The following XKR9 variants were observed in gnomAD, a reference collection of about 807,000 sequenced individuals.
The protein encoded by XKR9 is XK-related protein 9.
In XKR9, 32 loss-of-function variants were observed where a neutral mutation model predicts 32.0. That is an observed-to-expected ratio of 1.00 (90% CI 0.76 to 1.34). XKR9 has a LOEUF of 1.34. XKR9 is among the 40% of genes most tolerant of loss of function. The probability of loss-of-function intolerance (pLI) is 0.00; values close to 1 mark genes in which losing one functional copy is unlikely to be tolerated. For synonymous variants in XKR9, 168 were observed against 143.4 expected (o/e 1.17, Z -1.22); for missense variants, 546 against 429.7 (o/e 1.27, Z -2.39).
intron 3 of XKR9, among the ~76,000 whole-genome samples, chr8:70,687,965 G>A (rs1020335998): frequency 6.6e-6 from 1 of 152,190 alleles, no homozygotes; most frequent in Non-Finnish European, 1.5e-5. Flanking sequence ...GTAGTTGATA[G>A]TGCCATTCAG....
At chr8:70,919,238 T>C in the XKR9 span, among the ~76,000 whole-genome samples, 1 of 152,298 alleles carries the variant, frequency 6.6e-6, no homozygotes, top group East Asian at 1.9e-4. Context: ...AAGGAAATAA[T>C]ATATATCATA....
the XKR9 span, among the ~76,000 whole-genome samples, chr8:70,890,139 T>C: frequency 6.6e-6 from 1 of 151,948 alleles, no homozygotes; most frequent in African/African-American, 2.4e-5. Context: ...ATGGTCTCAT[T>C]GTCATTTTTG....
chr8:70,696,242 C>T (rs1279159457), intron 3 of XKR9, among the ~76,000 whole-genome samples: 1 of 152,182 alleles, frequency 6.6e-6, no homozygotes, highest in East Asian at 1.9e-4. Context: ...GTGTTTTAGA[C>T]ATGAAGTCCT....
At chr8:70,888,036 T>C in the XKR9 span, among the ~76,000 whole-genome samples, 1 of 152,122 alleles carries the variant, frequency 6.6e-6, no homozygotes, top group Admixed American at 6.5e-5. Context: ...CTTTTGCCCA[T>C]TCAGTATGAT....
the XKR9 span, among the ~76,000 whole-genome samples, chr8:71,016,780 T>C: frequency 6.6e-6 from 1 of 152,154 alleles, no homozygotes; most frequent in African/African-American, 2.4e-5. Flanking sequence ...AAACAGGGAA[T>C]TTGAAGGAAA....
chr8:70,799,393 C>T, the XKR9 span, among the ~76,000 whole-genome samples: 12 of 152,254 alleles, frequency 7.9e-5, no homozygotes, highest in East Asian at 1.9e-4. Context: ...TGCTGCGGTG[C>T]GATCACGGAT....
the XKR9 span, among the ~76,000 whole-genome samples, chr8:70,818,627 G>A: frequency 6.6e-6 from 1 of 152,170 alleles, no homozygotes; most frequent in Non-Finnish European, 1.5e-5. Flanking sequence ...GTCGCCACAT[G>A]TATGCTTAGT....
intron 2 of XKR9, among the ~76,000 whole-genome samples, chr8:70,779,279 C>T (rs934727394): frequency 1.3e-5 from 2 of 152,136 alleles, no homozygotes; most frequent in African/African-American, 4.8e-5. Flanking sequence ...GTTGAACCAG[C>T]CTTGCATATC....
At chr8:70,814,591 A>T in the XKR9 span, among the ~76,000 whole-genome samples, 2 of 152,102 alleles carry the variant, frequency 1.3e-5, no homozygotes, top group African/African-American at 4.8e-5. Flanking sequence ...GAAAGAACAT[A>T]TCTAAAAATA....
chr8:70,751,061 G>A (rs1807132961), intron 2 of XKR9, among the ~76,000 whole-genome samples: 1 of 152,136 alleles, frequency 6.6e-6, no homozygotes, highest in South Asian at 2.1e-4. Flanking sequence ...CTGCAGTATT[G>A]GCTCATGCTA....
At chr8:70,926,994 T>A in the XKR9 span, among the ~76,000 whole-genome samples, 1 of 152,146 alleles carries the variant, frequency 6.6e-6, no homozygotes, top group Non-Finnish European at 1.5e-5. Context: ...ACATTTCATA[T>A]GTATAAAATA....
rs189201716 is a variant in XKR9 at position 70,767,366 on chromosome 8, G to T, written n.353-21973G>T. 3.1e-4 allele frequency among the ~76,000 whole-genome samples: 47 copies of T among 152,134 alleles called. 1 individual carries two copies. The highest frequency in any genetic ancestry group is 2.3e-3 in the Admixed American group (35 of 15,274). ...TCTAGGAATTTATCCATTTCTTCTA[G>T]ATTTTGTAATTTATTTGCGTAGAGG... On this transcript the variant is annotated intron_variant and non_coding_transcript_variant, in intron 2 of 3. Coordinates refer to the XKR9 transcript ENST00000520273.
intron 2 of XKR9, among the ~76,000 whole-genome samples, chr8:70,746,581 G>GA (rs1237731670): frequency 6.6e-6 from 1 of 151,628 alleles, no homozygotes; most frequent in African/African-American, 2.4e-5. Context: ...AGAGGAAAAT[G>GA]AAAAGATGTA....
the XKR9 span, among the ~76,000 whole-genome samples, chr8:71,024,149 C>T: frequency 0.43 from 64,907 of 151,940 alleles, 15,018 homozygotes; most frequent in Non-Finnish European, 0.53. Context: ...GTTTGGGTGA[C>T]AGTGCAGTAA....
chr8:70,673,730 A>C (rs1337079195), intron 1 of XKR9, among the ~76,000 whole-genome samples: 1 of 151,956 alleles, frequency 6.6e-6, no homozygotes, highest in Non-Finnish European at 1.5e-5. Flanking sequence ...GCGGCACTGC[A>C]CTCCAGCCTG....
At chr8:70,920,876 A>G in the XKR9 span, among the ~76,000 whole-genome samples, 1 of 152,190 alleles carries the variant, frequency 6.6e-6, no homozygotes, top group African/African-American at 2.4e-5. Flanking sequence ...ATGAATATTA[A>G]GCAAGAATCA....
the XKR9 span, among the ~76,000 whole-genome samples, chr8:70,885,583 C>G: frequency 1.3e-5 from 2 of 151,068 alleles, no homozygotes; most frequent in Admixed American, 6.6e-5. Flanking sequence ...TGATCCATGA[C>G]AGGCTCTGGT....
the XKR9 span, among the ~76,000 whole-genome samples, chr8:70,816,126 A>G: frequency 1.8e-4 from 27 of 152,212 alleles, no homozygotes; most frequent in African/African-American, 6.3e-4. Context: ...ATCTAAAAAA[A>G]CAAGCAAAAA....
chr8:70,998,864 G>T, the XKR9 span, among the ~76,000 whole-genome samples: 3 of 152,150 alleles, frequency 2.0e-5, no homozygotes, highest in Admixed American at 1.3e-4. Flanking sequence ...TTGTCCCTCG[G>T]TGTCTGTGGA....
Sources: gnomAD v4.1 joint callset for allele counts (sites outside exome capture counted in the v4.1 genomes callset) on GRCh38, gnomAD v4.1.1 for gene constraint, MANE v1.5 for transcripts, NCBI Gene and HGNC (gene_info 2026-07-23, HGNC 2026-07-21) for gene names.